The following STXBP6 variants were observed in gnomAD, a reference collection of about 807,000 sequenced individuals.
STXBP6 encodes the protein syntaxin binding protein 6.
A neutral mutation model predicts 26.9 loss-of-function variants in STXBP6; 21 were observed. That is an observed-to-expected ratio of 0.78 (90% confidence interval 0.55 to 1.12). The LOEUF (loss-of-function observed/expected upper bound fraction) is 1.12. STXBP6 is among the 50% of genes most tolerant of loss of function. The pLI is 0.00. For synonymous variants in STXBP6, 97 were observed against 92.6 expected (o/e 1.05, Z -0.27); for missense variants, 232 against 257.9 (o/e 0.90, Z 0.69).
chr14:24,884,818 A>G (rs1289177269), intron 2 of STXBP6, among the ~76,000 whole-genome samples: 1 of 152,204 alleles, frequency 6.6e-6, no homozygotes, highest in African/African-American at 2.4e-5. Context: ...TGACAGGTAC[A>G]CTCAGTATGA....
rs564914788 is a variant in STXBP6, at chr14:24,809,508, T to C, written c.*3201A>G. 9.2e-5 allele frequency: 14 copies of C among 152,324 alleles called. No individual in the cohort carries two copies. The highest frequency in any genetic ancestry group is 7.8e-4 in the Admixed American group (12 of 15,300). The allele number at this position is 152,324 out of a possible 1,614,324, so 9.4% of individuals were successfully genotyped here. A position where few individuals can be genotyped will look rare whatever the true frequency, so the allele number is the denominator to read the frequency against. On this transcript the variant is annotated 3_prime_UTR_variant, in exon 6 of 6. Coordinates refer to ENST00000323944, the MANE Select transcript of STXBP6 (RefSeq NM_001394410.1). The stretch of plus-strand genomic sequence containing the variant: ...TTCCAAGCTTTTCCATTAGAACATA[T>C]GTAATGACATTTTATCATCATGCTA...
chr14:24,891,169 T>C (rs1241620), intron 2 of STXBP6, among the ~76,000 whole-genome samples: 55,564 of 152,030 alleles, frequency 0.37, 10,384 homozygotes, highest in East Asian at 0.43. Context: ...TAATTACGGA[T>C]GCAAACAAGG....
At chr14:24,931,234 C>T (rs1444769979) in intron 2 of STXBP6, among the ~76,000 whole-genome samples, 1 of 60,948 alleles carries the variant, frequency 1.6e-5, no homozygotes, top group Non-Finnish European at 3.1e-5. Flanking sequence ...GGGGGCCTGT[C>T]GTGAGGTGGG....
intron 2 of STXBP6, among the ~76,000 whole-genome samples, chr14:24,880,628 AGGG>A (rs2070323797): frequency 6.6e-6 from 1 of 152,208 alleles, no homozygotes; most frequent in Non-Finnish European, 1.5e-5. Flanking sequence ...TGAAAGGTAA[AGGG>A]AGCCATGAGA....
At chr14:24,979,829 G>A (rs182018406) in intron 1 of STXBP6, among the ~76,000 whole-genome samples, 7 of 151,932 alleles carry the variant, frequency 4.6e-5, no homozygotes, top group African/African-American at 1.2e-4. Context: ...CACCATCCCC[G>A]GCCTGAATAA....
chr14:24,810,895 G>GTGTGTGTGTC lies in STXBP6; in HGVS notation c.*1813_*1814insGACACACACA, dbSNP rs2067804234. 1 of 152,152 alleles carries GTGTGTGTGTC rather than the reference G, an allele frequency of 6.6e-6. No homozygotes were observed. Among genetic ancestry groups the GTGTGTGTGTC allele is most frequent in the Non-Finnish European group, 1.5e-5 (1 of 68,178 alleles). 9.4% of individuals were successfully genotyped at this position (152,152 alleles called of 1,614,324 possible). On this transcript the variant is annotated 3_prime_UTR_variant, in exon 6 of 6. Transcript: ENST00000323944. ...TGTGTGTGTGTGTGTGTGTGTGTGT[G>GTGTGTGTGTC]TGTGTGCATTCTGAACTGAGATCTG...
At chr14:24,840,771 T>C (rs2068760346) in intron 4 of STXBP6, among the ~76,000 whole-genome samples, 2 of 152,194 alleles carry the variant, frequency 1.3e-5, no homozygotes, top group South Asian at 4.1e-4. Context: ...TTGGATAATT[T>C]TCAAGAAAAG....
At chr14:24,953,881 G>A (rs1165425032) in intron 2 of STXBP6, among the ~76,000 whole-genome samples, 1 of 152,226 alleles carries the variant, frequency 6.6e-6, no homozygotes, top group Non-Finnish European at 1.5e-5. Context: ...GACCAAGAGC[G>A]TGAAGCCACG....
chr14:24,834,539 T>G (rs1349642106), intron 4 of STXBP6, among the ~76,000 whole-genome samples: 1 of 152,228 alleles, frequency 6.6e-6, no homozygotes, highest in Non-Finnish European at 1.5e-5. Flanking sequence ...TTTTAAGGTA[T>G]GTGACTCTTA....
chr14:24,954,500 T>C (rs1377820356), intron 2 of STXBP6, among the ~76,000 whole-genome samples: 2 of 152,212 alleles, frequency 1.3e-5, no homozygotes, highest in Non-Finnish European at 2.9e-5. Flanking sequence ...GAATCTTTAC[T>C]ATGTCTACAG....
chr14:24,846,729 T>A (rs2068976112), intron 4 of STXBP6, among the ~76,000 whole-genome samples: 1 of 152,160 alleles, frequency 6.6e-6, no homozygotes, highest in Non-Finnish European at 1.5e-5. Flanking sequence ...ACACTGCAGG[T>A]AGAAGGATAA....
At chr14:24,975,713 C>T (rs971184995) in intron 1 of STXBP6, among the ~76,000 whole-genome samples, 2 of 152,056 alleles carry the variant, frequency 1.3e-5, no homozygotes, top group South Asian at 2.1e-4. Flanking sequence ...ATACATAGCC[C>T]CCATGTTATA....
chr14:24,972,773 A>G (rs754468506), intron 2 of STXBP6, among the ~76,000 whole-genome samples: 1 of 152,196 alleles, frequency 6.6e-6, no homozygotes, highest in Non-Finnish European at 1.5e-5. Context: ...TTGGAGGCCA[A>G]GGGGAAATGA....
chr14:24,910,859 A>G (rs1202754990), intron 2 of STXBP6, among the ~76,000 whole-genome samples: 11 of 152,222 alleles, frequency 7.2e-5, no homozygotes, highest in Non-Finnish European at 1.0e-4. Flanking sequence ...TAACAGACAA[A>G]GTGTTCCTAA....
intron 1 of STXBP6, among the ~76,000 whole-genome samples, chr14:25,028,479 T>A (rs1221140950): frequency 6.6e-6 from 1 of 152,114 alleles, no homozygotes; most frequent in African/African-American, 2.4e-5. Context: ...CTGAATATTT[T>A]AAGCTCATTG....
intron 2 of STXBP6, among the ~76,000 whole-genome samples, chr14:24,919,585 C>G (rs2071906606): frequency 6.7e-6 from 1 of 149,982 alleles, no homozygotes; most frequent in South Asian, 2.1e-4. Context: ...AGATTAAATT[C>G]TGCTCCTACT....
intron 1 of STXBP6, among the ~76,000 whole-genome samples, chr14:25,011,909 A>T (rs1038037419): frequency 9.9e-5 from 15 of 152,210 alleles, no homozygotes; most frequent in African/African-American, 3.6e-4. Context: ...AAAAGTCAAT[A>T]CTCTAAAAAA....
chr14:25,041,060 G>A (rs1371453684), intron 1 of STXBP6, among the ~76,000 whole-genome samples: 2 of 152,170 alleles, frequency 1.3e-5, no homozygotes, highest in South Asian at 2.1e-4. Flanking sequence ...GGTGGCTCAC[G>A]CCTGTAATCC....
chr14:25,032,220 T>G (rs979866571), intron 1 of STXBP6, among the ~76,000 whole-genome samples: 4 of 152,190 alleles, frequency 2.6e-5, no homozygotes, highest in African/African-American at 9.7e-5. Flanking sequence ...GCAGCAGTAC[T>G]GATCCCCAGG....
Sources: gnomAD v4.1 joint callset for allele counts (sites outside exome capture counted in the v4.1 genomes callset) on GRCh38, gnomAD v4.1.1 for gene constraint, MANE v1.5 for transcripts, NCBI Gene and HGNC (gene_info 2026-07-23, HGNC 2026-07-21) for gene names.